SLBP: variants seen among roughly 807,000 people sequenced by gnomAD.
SLBP encodes the protein stem-loop histone mRNA binding protein.
A neutral mutation model predicts 39.2 loss-of-function variants in SLBP; 29 were observed. The observed-to-expected ratio is 0.74, with a 90% CI of 0.55 to 1.01. SLBP has a LOEUF of 1.01. SLBP is among the 50% of genes least tolerant of loss of function. The probability of loss-of-function intolerance (pLI) is 0.00; values close to 1 mark genes in which losing one functional copy is unlikely to be tolerated. For synonymous variants in SLBP, 129 were observed against 118.7 expected, an observed-to-expected ratio of 1.09 and a Z score of -0.57; for missense variants, 390 against 350.2, an observed-to-expected ratio of 1.11 and a Z score of -0.91.
chr4:1,707,092 G>A (rs1479392636), intron 2 of SLBP, among the ~76,000 whole-genome samples: 13 of 150,968 alleles, frequency 8.6e-5, no homozygotes, highest in Admixed American at 2.6e-4. Flanking sequence ...GGTGGCGGGC[G>A]CCTGTAGTCC....
intron 5 of SLBP, 62 bp from the exon 6 acceptor site, chr4:1,696,413 GA>G: frequency 7.5e-7 from 1 of 1,341,584 alleles, no homozygotes; most frequent in Non-Finnish European, 1.0e-6. Flanking sequence ...ACATTAGCCT[GA>G]AGATTAACCA....
intron 3 of SLBP, among the ~76,000 whole-genome samples, chr4:1,702,352 CAAAT>C (rs890892393): frequency 7.9e-5 from 12 of 152,144 alleles, no homozygotes; most frequent in African/African-American, 2.9e-4. Context: ...GAAGAAATGA[CAAAT>C]AACTCCCCCA....
intron 2 of SLBP, among the ~76,000 whole-genome samples, chr4:1,711,257 A>G (rs1255223465): frequency 6.7e-6 from 1 of 149,852 alleles, no homozygotes. Flanking sequence ...CTCCACCTTC[A>G]CTGCTCCATC....
In SLBP at chr4:1,699,571, CTTCT is replaced by C; in HGVS notation, c.468_471del (p.Glu157SerfsTer56). Reference sequence around the variant, plus strand: ...CCACTGAAACAAGACTACCTTGGGACTTCTTTAATATAACGATCGTAGGCAATTG... The same window carrying C: ...CCACTGAAACAAGACTACCTTGGGACTTAATATAACGATCGTAGGCAATTG... On this transcript the variant is annotated frameshift_variant, in exon 5 of 8. Transcript: ENST00000489418. LOFTEE classifies it high-confidence loss of function. 1.2e-6 allele frequency: 2 copies of C among 1,613,970 alleles called. No individual in the cohort carries two copies. The highest frequency in any genetic ancestry group is 1.7e-6 in the Non-Finnish European group (2 of 1,179,880).
chr4:1,694,162 C>T (rs947258334), intron 7 of SLBP, among the ~76,000 whole-genome samples: 4 of 152,178 alleles, frequency 2.6e-5, no homozygotes, highest in Admixed American at 1.3e-4. Flanking sequence ...GGCTCATTGC[C>T]ACCTCTGCCT....
At position 1,693,515 on chromosome 4, in the gene SLBP, G is replaced by T; in HGVS notation, c.*82C>A. ...CTAACAGAGAAACCACCAGGTACAA[G>T]TGCACACACATGCTTGGTGCCTGGC... On this transcript the variant is annotated 3_prime_UTR_variant, in exon 8 of 8. Transcript: ENST00000489418. The T allele has an allele frequency of 1.2e-6, 1 of 803,542 alleles. No homozygotes were observed. The highest frequency in any genetic ancestry group is 2.4e-5 in the East Asian group (1 of 41,320). 49.8% of individuals were successfully genotyped at this position (803,542 alleles called of 1,614,324 possible).
At chr4:1,694,611 G>A (rs1459741448) in intron 7 of SLBP, among the ~76,000 whole-genome samples, 163 bp downstream of exon 7, 1 of 151,786 alleles carries the variant, frequency 6.6e-6, no homozygotes, top group East Asian at 1.9e-4. Flanking sequence ...GGCTAGTCTT[G>A]AATTCCTGAC....
chr4:1,700,188 C>CGTGG, intron 3 of SLBP, 118 bp from the exon 4 acceptor site: 1 of 532,888 alleles, frequency 1.9e-6, no homozygotes, highest in Non-Finnish European at 3.2e-6. Flanking sequence ...CCAGAAGCTC[C>CGTGG]GTGGGCCAAA....
rs762150510 is a variant in SLBP at position 1,711,888 on chromosome 4, C to T, written c.162G>A (p.Glu54=). The T allele has an allele frequency of 6.5e-5, 88 of 1,358,770 alleles. No homozygotes were observed. The Middle Eastern group carries it at 1.1e-3, about 17-fold the overall frequency. 84.2% of individuals were successfully genotyped at this position (1,358,770 alleles called of 1,614,324 possible). ...DAEEAEHRGA[E]RRPESFTTPE... ...CCCGCGCCCACCTCTCGGGTCTGCG[C>T]TCGGCGCCGCGGTGCTCTGCCTCCT... is the stretch of plus-strand genomic sequence containing the variant. Residue 54 remains glutamate, a synonymous_variant, in exon 2 of 8, where the codon GAG becomes GAA. Transcript: ENST00000489418.
intron 6 of SLBP, among the ~76,000 whole-genome samples, chr4:1,695,397 CAT>C (rs1716069346): frequency 6.6e-6 from 1 of 152,178 alleles, no homozygotes; most frequent in Non-Finnish European, 1.5e-5. Context: ...AGAAACCCCA[CAT>C]AGAGGGAGGG....
chr4:1,696,563 G>C (rs1366520222), intron 5 of SLBP, among the ~76,000 whole-genome samples: 1 of 152,016 alleles, frequency 6.6e-6, no homozygotes, highest in Non-Finnish European at 1.5e-5. Flanking sequence ...AACACAGTGA[G>C]ACCTCGTCTC....
intron 2 of SLBP, among the ~76,000 whole-genome samples, chr4:1,704,611 A>G (rs965688067): frequency 1.3e-5 from 2 of 152,176 alleles, no homozygotes; most frequent in Non-Finnish European, 2.9e-5. Flanking sequence ...GTGCAGAGCA[A>G]CTACTCACTT....
intron 3 of SLBP, among the ~76,000 whole-genome samples, chr4:1,700,766 T>C (rs894119526): frequency 8.5e-5 from 13 of 152,118 alleles, no homozygotes; most frequent in African/African-American, 3.1e-4. Context: ...TGGAGGTCTG[T>C]GTTGCCCAGG....
In SLBP at chr4:1,703,607, TTTG is replaced by T; in HGVS notation, c.267_269del (p.Asn89del). 6.2e-7 allele frequency: 1 copy of T among 1,609,186 alleles called. No homozygotes were observed. Among genetic ancestry groups the T allele is most frequent in the Non-Finnish European group, 8.5e-7 (1 of 1,175,472 alleles). ...TCCAAAATGTGTACCTTGCCATTTC[TTTG>T]TTAACTCTGGTCCTCATTTCATCTT... is the stretch of plus-strand genomic sequence containing the variant. On this transcript the variant is annotated inframe_deletion, in exon 3 of 8. Coordinates refer to ENST00000489418, the MANE Select transcript of SLBP (RefSeq NM_006527.4).
rs146751298 is a variant in SLBP at position 1,709,389 on chromosome 4, G to A, written c.176+2485C>T. Among the ~76,000 whole-genome samples the A allele has an allele frequency of 5.5e-3, 830 of 152,284 alleles. 4 individuals carry two copies. The highest frequency in any genetic ancestry group is 0.019 in the African/African-American group (782 of 41,564). On this transcript the variant is annotated intron_variant, in intron 2 of 7. Coordinates refer to ENST00000489418, the MANE Select transcript of SLBP (RefSeq NM_006527.4). ...GCCATCATGTTCCCATGCTCAGAGC[G>A]AGACCTGCTCTCTTATCTGTAAACA...
chr4:1,706,901 G>A (rs2108663622), intron 2 of SLBP, among the ~76,000 whole-genome samples: 1 of 151,352 alleles, frequency 6.6e-6, no homozygotes, highest in South Asian at 2.1e-4. Context: ...GGGAGGCCGA[G>A]GTAGGTAGAT....
intron 6 of SLBP, among the ~76,000 whole-genome samples, chr4:1,695,188 C>CA (rs1188423928): frequency 1.3e-5 from 2 of 152,166 alleles, no homozygotes; most frequent in Non-Finnish European, 2.9e-5. Context: ...AGTTTCTACT[C>CA]AGAGAATGGG....
chr4:1,695,774 C>CA (rs57905455), intron 6 of SLBP, among the ~76,000 whole-genome samples: 29,976 of 142,898 alleles, frequency 0.21, 3,404 homozygotes, highest in Non-Finnish European at 0.27. Flanking sequence ...GAGCATCTCC[C>CA]AAAAAAAAAA....
chr4:1,704,264 G>C (rs1716437036), intron 2 of SLBP, among the ~76,000 whole-genome samples: 1 of 152,186 alleles, frequency 6.6e-6, no homozygotes, highest in African/African-American at 2.4e-5. Context: ...AATTTTTGCA[G>C]TGTGTGTGGC....
Sources: allele counts gnomAD v4.1 joint callset (sites outside exome capture counted in the v4.1 genomes callset), GRCh38; gene constraint gnomAD v4.1.1; transcripts MANE v1.5; gene names NCBI Gene and HGNC (gene_info 2026-07-23, HGNC 2026-07-21).